SFMBT2: variants seen among roughly 807,000 people sequenced by gnomAD.
SFMBT2 encodes scm-like with four MBT domains protein 2.
A neutral mutation model predicts 110.1 loss-of-function variants in SFMBT2; 38 were observed. The ratio of observed to expected loss-of-function variants is 0.35; its 90% CI spans 0.27 to 0.45. The LOEUF (loss-of-function observed/expected upper bound fraction) is 0.45. Ranked by LOEUF, SFMBT2 falls within the 20% of genes least tolerant of loss-of-function variation. The pLI is 1.00. For synonymous variants in SFMBT2, 425 were observed against 425.4 expected, an observed-to-expected ratio of 1.00 and a Z score of 0.01; for missense variants, 1,011 against 1,094.9, an observed-to-expected ratio of 0.92 and a Z score of 1.08.
chr10:7,208,431 TA>T (rs1412578924), intron 11 of SFMBT2, among the ~76,000 whole-genome samples: 4 of 152,164 alleles, frequency 2.6e-5, no homozygotes, highest in African/African-American at 9.7e-5. Context: ...AGCATAACAG[TA>T]ACTTTATATT....
chr10:7,339,105 T>G (rs1843811292), intron 4 of SFMBT2, among the ~76,000 whole-genome samples: 1 of 152,140 alleles, frequency 6.6e-6, no homozygotes, highest in African/African-American at 2.4e-5. Flanking sequence ...CCAGGCATGA[T>G]GACAGGTACC....
At chr10:7,282,972 C>T (rs563795142) in intron 6 of SFMBT2, among the ~76,000 whole-genome samples, 14 of 152,070 alleles carry the variant, frequency 9.2e-5, no homozygotes, top group Admixed American at 2.0e-4. Flanking sequence ...ATTCAAAGGC[C>T]GGTAAGAGGA....
chr10:7,290,587 A>G (rs568694386), intron 4 of SFMBT2, among the ~76,000 whole-genome samples: 4 of 152,176 alleles, frequency 2.6e-5, no homozygotes, highest in African/African-American at 4.8e-5. Flanking sequence ...TGTAATCCCA[A>G]CACTTTGGGA....
intron 7 of SFMBT2, among the ~76,000 whole-genome samples, chr10:7,275,585 T>C (rs1012475690): frequency 1.1e-4 from 17 of 152,280 alleles, no homozygotes; most frequent in East Asian, 3.9e-4. Context: ...AACTGTCGGC[T>C]TCACTGTCGG....
intron 3 of SFMBT2, among the ~76,000 whole-genome samples, chr10:7,369,954 G>A (rs191723488): frequency 1.3e-5 from 2 of 152,204 alleles, no homozygotes; most frequent in Admixed American, 6.5e-5. Context: ...CCACCTCCTG[G>A]GCTCAAGTGA....
intron 2 of SFMBT2, among the ~76,000 whole-genome samples, chr10:7,374,814 G>A (rs570136478): frequency 2.0e-5 from 3 of 152,272 alleles, no homozygotes; most frequent in Non-Finnish European, 2.9e-5. Flanking sequence ...CAAAATTTAC[G>A]GTTATTCACA....
At chr10:7,254,782 C>A (rs771828874) in intron 7 of SFMBT2, among the ~76,000 whole-genome samples, 2 of 151,966 alleles carry the variant, frequency 1.3e-5, no homozygotes, top group African/African-American at 4.8e-5. Context: ...GAGCAGAGAT[C>A]GAGCCACTGC....
At chr10:7,256,208 T>G (rs547772470) in intron 7 of SFMBT2, among the ~76,000 whole-genome samples, 1 of 152,164 alleles carries the variant, frequency 6.6e-6, no homozygotes, top group Admixed American at 6.5e-5. Context: ...GCAGCCTGAT[T>G]CAGTCTGAGC....
intron 9 of SFMBT2, among the ~76,000 whole-genome samples, chr10:7,228,966 C>T (rs1840031133): frequency 6.6e-6 from 1 of 151,976 alleles, no homozygotes. Flanking sequence ...GTCTCATCGG[C>T]ACAAAATCAA....
chr10:7,304,045 C>T (rs769643408), intron 4 of SFMBT2, among the ~76,000 whole-genome samples: 4 of 152,140 alleles, frequency 2.6e-5, no homozygotes, highest in Admixed American at 6.5e-5. Flanking sequence ...AGGTGGGCCA[C>T]GGAGATGGGT....
intron 1 of SFMBT2, among the ~76,000 whole-genome samples, chr10:7,388,912 G>A (rs992950739): frequency 5.3e-5 from 8 of 152,276 alleles, no homozygotes; most frequent in African/African-American, 1.2e-4. Flanking sequence ...AGCCATAGGC[G>A]AGATGGATGA....
At chr10:7,349,846 C>G (rs955459733) in intron 4 of SFMBT2, among the ~76,000 whole-genome samples, 1 of 152,144 alleles carries the variant, frequency 6.6e-6, no homozygotes, top group African/African-American at 2.4e-5. Flanking sequence ...CCATCACCAA[C>G]TGAGGACAGT....
At chr10:7,310,123 T>C (rs763592092) in intron 4 of SFMBT2, among the ~76,000 whole-genome samples, 9 of 152,188 alleles carry the variant, frequency 5.9e-5, no homozygotes, top group South Asian at 4.1e-4. Flanking sequence ...TCCTCCTTAG[T>C]TGGGAACCAC....
At chr10:7,260,806 A>G (rs1841170520) in intron 7 of SFMBT2, among the ~76,000 whole-genome samples, 1 of 152,170 alleles carries the variant, frequency 6.6e-6, no homozygotes, top group Non-Finnish European at 1.5e-5. Context: ...GTCAAAAGCA[A>G]CTGAGTAATA....
chr10:7,321,591 T>C (rs1843191083), intron 4 of SFMBT2, among the ~76,000 whole-genome samples: 1 of 152,188 alleles, frequency 6.6e-6, no homozygotes, highest in Non-Finnish European at 1.5e-5. Flanking sequence ...ACTCACCAAA[T>C]CATTAAGAAA....
chr10:7,205,421 T>C, intron 12 of SFMBT2: 1 of 985,316 alleles, frequency 1.0e-6, no homozygotes, highest in African/African-American at 1.7e-5. Flanking sequence ...TGTCAGTATA[T>C]TATTGGAACC....
chr10:7,273,694 C>G (rs1001350235), intron 7 of SFMBT2, among the ~76,000 whole-genome samples: 1 of 152,156 alleles, frequency 6.6e-6, no homozygotes, highest in Non-Finnish European at 1.5e-5. Flanking sequence ...TCAATTCCCA[C>G]CTATGAGTGA....
At chr10:7,205,299 C>T (rs982030972) in intron 12 of SFMBT2, 2 of 552,588 alleles carry the variant, frequency 3.6e-6, no homozygotes. Context: ...ACTATGTTGC[C>T]CAGGCTGGTC....
At chr10:7,374,917 G>T (rs935590260) in intron 2 of SFMBT2, among the ~76,000 whole-genome samples, 2 of 152,136 alleles carry the variant, frequency 1.3e-5, no homozygotes, top group Non-Finnish European at 2.9e-5. Context: ...ATGAGCAATA[G>T]AAAAACACAC....
Sources: allele counts gnomAD v4.1 joint callset (sites outside exome capture counted in the v4.1 genomes callset), GRCh38; gene constraint gnomAD v4.1.1; transcripts MANE v1.5; gene names NCBI Gene and HGNC (gene_info 2026-07-23, HGNC 2026-07-21).